The following CSNK1G1 variants were observed in gnomAD, a reference collection of about 807,000 sequenced individuals.
CSNK1G1 encodes casein kinase I isoform gamma-1.
CSNK1G1 carries 22 observed loss-of-function variants against 59.6 expected under a neutral mutation model. The ratio of observed to expected loss-of-function variants is 0.37; its 90% confidence interval spans 0.26 to 0.53. The LOEUF is 0.53. CSNK1G1 is among the 20% of genes least tolerant of loss of function. The pLI, the probability that CSNK1G1 is intolerant of heterozygous loss-of-function variation, is 0.89. For missense variants in CSNK1G1, 384 were observed against 519.5 expected (o/e 0.74, Z 2.54); for synonymous variants, 179 against 177.1 (o/e 1.01, Z -0.08).
intron 1 of CSNK1G1, among the ~76,000 whole-genome samples, chr15:64,336,533 G>A (rs1897396459): frequency 6.6e-6 from 1 of 152,088 alleles, no homozygotes; most frequent in Non-Finnish European, 1.5e-5. Flanking sequence ...GAGGTGGGAG[G>A]ATCACTTTGA....
chr15:64,326,073 AGAG>A (rs1158841802), intron 1 of CSNK1G1, among the ~76,000 whole-genome samples: 2 of 152,252 alleles, frequency 1.3e-5, no homozygotes, highest in African/African-American at 4.8e-5. Flanking sequence ...CACCCAGGCT[AGAG>A]CGAAGTGGCA....
chr15:64,293,348 T>A (rs1357868535), intron 2 of CSNK1G1, among the ~76,000 whole-genome samples: 1 of 152,178 alleles, frequency 6.6e-6, no homozygotes, highest in African/African-American at 2.4e-5. Context: ...TAAGCAAATA[T>A]GTGTAAGTAT....
At chr15:64,297,325 A>G (rs1050656305) in intron 2 of CSNK1G1, among the ~76,000 whole-genome samples, 3 of 152,138 alleles carry the variant, frequency 2.0e-5, no homozygotes, top group South Asian at 4.2e-4. Flanking sequence ...GCTGAGGCCT[A>G]AAGGATGAGA....
At chr15:64,212,937 C>G (rs1439550977) in intron 6 of CSNK1G1, among the ~76,000 whole-genome samples, 2 of 152,134 alleles carry the variant, frequency 1.3e-5, no homozygotes, top group Non-Finnish European at 2.9e-5. Context: ...ACCCGCGAGG[C>G]AGAGGTTGCA....
At chr15:64,199,439 G>C (rs921374587) in intron 10 of CSNK1G1, among the ~76,000 whole-genome samples, 6 of 152,118 alleles carry the variant, frequency 3.9e-5, no homozygotes. Flanking sequence ...TCACTACTCA[G>C]TTTTTACCCT....
intron 3 of CSNK1G1, 45 bp downstream of exon 3, chr15:64,259,156 A>C (rs367555679): frequency 2.0e-6 from 3 of 1,494,474 alleles, no homozygotes; most frequent in Middle Eastern, 1.7e-4. Context: ...GATATAAGCA[A>C]TGGGAGCACC....
intron 2 of CSNK1G1, among the ~76,000 whole-genome samples, chr15:64,283,820 A>G (rs750588758): frequency 1.3e-5 from 2 of 152,184 alleles, no homozygotes; most frequent in African/African-American, 2.4e-5. Flanking sequence ...TTGTCACACA[A>G]AAGTTTTAAA....
At chr15:64,284,316 G>C (rs982724566) in intron 2 of CSNK1G1, among the ~76,000 whole-genome samples, 66 of 152,096 alleles carry the variant, frequency 4.3e-4, no homozygotes, top group African/African-American at 1.5e-3. Context: ...TTGAAATTCC[G>C]TATGAATTTT....
rs2081741830 is a variant in CSNK1G1, at chr15:64,176,393, G to A, written c.1214+3955C>T. Reference sequence around the variant, plus strand: ...GACTCCCTGTGAGCCATGCAAACATGCAGTATGTGTCTGTGTTTAGTTTCT... The same window carrying A: ...GACTCCCTGTGAGCCATGCAAACATACAGTATGTGTCTGTGTTTAGTTTCT... On this transcript the variant is annotated intron_variant, in intron 11 of 11. Transcript: ENST00000303052. This position sits in a 1 kb window ranked among gnomAD's most constrained non-coding sequence, Gnocchi z 5.2. 5.0e-6 allele frequency: 2 copies of A among 397,554 alleles called. No homozygotes were observed. The highest frequency in any genetic ancestry group is 7.1e-5 in the East Asian group (2 of 28,070). 24.6% of individuals were successfully genotyped at this position (397,554 alleles called of 1,614,324 possible). A position where few individuals can be genotyped will look rare whatever the true frequency, so the allele number is the denominator to read the frequency against.
intron 1 of CSNK1G1, among the ~76,000 whole-genome samples, chr15:64,325,447 T>C (rs1896788556): frequency 6.6e-6 from 1 of 152,212 alleles, no homozygotes; most frequent in East Asian, 1.9e-4. Context: ...CTGTTAGTAC[T>C]GCCTTATTCT....
Position 64,213,966 on chromosome 15 carries a change from T to G in CSNK1G1, c.603A>C (p.Lys201Asn). 2 of 1,614,090 alleles carry G rather than the reference T, an allele frequency of 1.2e-6. No homozygotes were observed. Among genetic ancestry groups the G allele is most frequent in the Non-Finnish European group, 1.7e-6 (2 of 1,179,934 alleles). ...AKEYIDPETK[K>N]HIPYREHKSL... Reference sequence around the variant, plus strand: ...TTTTGTGTTCCCTATAAGGTATGTGTTTTTTGGTTTCGGGGTCAATGTATT... The same window carrying G: ...TTTTGTGTTCCCTATAAGGTATGTGGTTTTTGGTTTCGGGGTCAATGTATT... Residue 201 changes from lysine (K) to asparagine (N), a missense_variant, in exon 6 of 12, where the codon AAA (lysine) becomes AAC (asparagine). Lys to Asn is a moderately conservative substitution (Grantham distance 94, BLOSUM62 0). This residue lies in a region of CSNK1G1 where 325 missense variants were observed against 440.9 expected (regional missense o/e 0.74). Coordinates refer to ENST00000303052, the MANE Select transcript of CSNK1G1 (RefSeq NM_022048.5).
chr15:64,326,334 T>C (rs995991505), intron 1 of CSNK1G1, among the ~76,000 whole-genome samples: 2 of 152,054 alleles, frequency 1.3e-5, no homozygotes, highest in African/African-American at 2.4e-5. Flanking sequence ...CCCAAGAAAA[T>C]ATTTTTAACA....
At chr15:64,329,324 C>A (rs1339652490) in intron 1 of CSNK1G1, among the ~76,000 whole-genome samples, 6 of 151,346 alleles carry the variant, frequency 4.0e-5, no homozygotes, top group Non-Finnish European at 8.8e-5. Context: ...AACAAACTAT[C>A]TCTCAGACCA....
intron 2 of CSNK1G1, among the ~76,000 whole-genome samples, chr15:64,285,464 G>A (rs1894357661): frequency 6.6e-6 from 1 of 152,030 alleles, no homozygotes; most frequent in African/African-American, 2.4e-5. Flanking sequence ...CAAAAAAACT[G>A]TTTATCATTT....
chr15:64,268,519 T>C (rs892408917), intron 2 of CSNK1G1, among the ~76,000 whole-genome samples: 19 of 152,188 alleles, frequency 1.2e-4, no homozygotes, highest in Non-Finnish European at 2.5e-4. Context: ...GTGTAGAGTT[T>C]GCATGTTCTC....
intron 1 of CSNK1G1, among the ~76,000 whole-genome samples, chr15:64,334,458 C>T (rs1897271508): frequency 6.6e-6 from 1 of 152,142 alleles, no homozygotes. Flanking sequence ...TTATTATGCA[C>T]TTAATTTCCA....
intron 10 of CSNK1G1, chr15:64,189,582 G>C: frequency 1.7e-6 from 1 of 589,870 alleles, no homozygotes; most frequent in South Asian, 3.4e-5. Context: ...GTTAGGATGT[G>C]ATATTGCTGC....
chr15:64,350,379 T>C (rs1414750097), intron 1 of CSNK1G1, among the ~76,000 whole-genome samples: 1 of 152,018 alleles, frequency 6.6e-6, no homozygotes, highest in East Asian at 1.9e-4. Context: ...CAGGCACCTG[T>C]AGTCCCAGCT....
At chr15:64,277,380 C>CT (rs1893691953) in intron 2 of CSNK1G1, among the ~76,000 whole-genome samples, 1 of 151,558 alleles carries the variant, frequency 6.6e-6, no homozygotes, top group Non-Finnish European at 1.5e-5. Context: ...TGGGAGGATC[C>CT]TTTGAGTCCA....
Sources: allele counts gnomAD v4.1 joint callset (sites outside exome capture counted in the v4.1 genomes callset), GRCh38; gene constraint gnomAD v4.1.1; regional missense constraint gnomAD v4.1.1; non-coding constraint Gnocchi (gnomAD v3.1); transcripts MANE v1.5; gene names NCBI Gene and HGNC (gene_info 2026-07-23, HGNC 2026-07-21).